Variants in RXFP1 observed in about 807,000 individuals in gnomAD.
RXFP1 encodes the protein relaxin family peptide receptor 1, also known as relaxin receptor 1.
RXFP1 carries 73 observed loss-of-function variants against 89.8 expected under a neutral mutation model. The ratio of observed to expected loss-of-function variants is 0.81; its 90% CI spans 0.67 to 0.99. RXFP1 has a LOEUF of 0.99. RXFP1 is among the 50% of genes least tolerant of loss of function. RXFP1 has a pLI of 0.00. For missense variants in RXFP1, 793 were observed against 895.5 expected, an observed-to-expected ratio of 0.89 and a Z score of 1.46; for synonymous variants, 277 against 305.5, an observed-to-expected ratio of 0.91 and a Z score of 0.97.
At chr4:158,567,884 C>G (rs539799103) in intron 1 of RXFP1, among the ~76,000 whole-genome samples, 6 of 152,172 alleles carry the variant, frequency 3.9e-5, no homozygotes, top group Non-Finnish European at 1.5e-5. Flanking sequence ...AGTGGCAACC[C>G]GCTCGGGTCT....
chr4:158,648,014 C>CA (rs35514598), intron 16 of RXFP1, among the ~76,000 whole-genome samples: 132,350 of 144,746 alleles, frequency 0.91, 61,393 homozygotes, highest in East Asian at 1. Flanking sequence ...GACTCCATCT[C>CA]AAAAAAAAAA....
chr4:158,539,273 T>C (rs1015592523), intron 1 of RXFP1, among the ~76,000 whole-genome samples: 2 of 152,006 alleles, frequency 1.3e-5, no homozygotes, highest in African/African-American at 2.4e-5. Context: ...TAGGTGGGAA[T>C]TGAACAATGA....
At chr4:158,642,804 A>G (rs1770638989) in intron 14 of RXFP1, among the ~76,000 whole-genome samples, 1 of 152,138 alleles carries the variant, frequency 6.6e-6, no homozygotes, top group Admixed American at 6.5e-5. Context: ...AAGGACGTGG[A>G]CACACAGGGA....
intron 9 of RXFP1, among the ~76,000 whole-genome samples, chr4:158,624,036 A>G (rs1226716051): frequency 6.6e-6 from 1 of 152,136 alleles, no homozygotes; most frequent in African/African-American, 2.4e-5. Flanking sequence ...GCTATTATAG[A>G]TGGGTCTCTG....
chr4:158,569,226 C>T (rs1444937597), intron 1 of RXFP1, among the ~76,000 whole-genome samples: 3 of 152,204 alleles, frequency 2.0e-5, no homozygotes, highest in Admixed American at 2.0e-4. Flanking sequence ...AGGCTACCTA[C>T]TGCATGATTC....
intron 17 of RXFP1, among the ~76,000 whole-genome samples, chr4:158,650,978 A>G (rs920242123): frequency 6.6e-6 from 1 of 151,972 alleles, no homozygotes; most frequent in Non-Finnish European, 1.5e-5. Context: ...TAAAAAATTA[A>G]CCAGGCATGG....
chr4:158,565,199 G>T (rs1753301334), intron 1 of RXFP1, among the ~76,000 whole-genome samples: 1 of 152,158 alleles, frequency 6.6e-6, no homozygotes, highest in Non-Finnish European at 1.5e-5. Context: ...TAAGTTAATA[G>T]AAAGCAAGCT....
rs76718043 is a variant in RXFP1, at chr4:158,632,194, G to A, written c.900-1211G>A. Among the ~76,000 whole-genome samples, 555 of 152,228 alleles carry A rather than the reference G, an allele frequency of 3.6e-3. 8 individuals are homozygous for A. The East Asian group carries it at 0.049, about 13-fold the overall frequency. On this transcript the variant is annotated intron_variant, in intron 11 of 17. Transcript: ENST00000307765. ...CAGAACAATCTGTTGACAATTCACC[G>A]ATAAATATGTAACTAACAGCAATAG...
chr4:158,544,098 T>A (rs546613290), intron 1 of RXFP1: 1 of 980,398 alleles, frequency 1.0e-6, no homozygotes, highest in East Asian at 1.1e-4. Context: ...AAGAGAACCA[T>A]CTTTTTATTT....
At chr4:158,625,650 G>C (rs1580168088) in intron 9 of RXFP1, among the ~76,000 whole-genome samples, 1 of 152,104 alleles carries the variant, frequency 6.6e-6, no homozygotes, top group Non-Finnish European at 1.5e-5. Flanking sequence ...TGATTTGTCA[G>C]CATCTATTTT....
intron 14 of RXFP1, among the ~76,000 whole-genome samples, chr4:158,643,543 T>C (rs1175845122): frequency 1.4e-5 from 2 of 139,216 alleles, no homozygotes; most frequent in Non-Finnish European, 3.0e-5. Context: ...CAATCTCGGC[T>C]CACTGCAACC....
chr4:158,563,862 T>C (rs1278942979), intron 1 of RXFP1, among the ~76,000 whole-genome samples: 1 of 147,980 alleles, frequency 6.8e-6, no homozygotes, highest in African/African-American at 2.5e-5. Context: ...TTATATTATA[T>C]AATGTTATAT....
rs1446792927 is a variant in RXFP1 at position 158,521,951 on chromosome 4, T to C, written c.-26T>C. The C allele has an allele frequency of 6.3e-7, 1 of 1,596,458 alleles. No individual in the cohort carries two copies. Among genetic ancestry groups the C allele is most frequent in the Non-Finnish European group, 8.6e-7 (1 of 1,167,248 alleles). On this transcript the variant is annotated 5_prime_UTR_variant, in exon 1 of 18. Transcript: ENST00000307765. The stretch of plus-strand genomic sequence containing the variant: ...CAAGACCAAATTTTGCTCACTTTCA[T>C]TAATCAGTTGCTCAGATAGAAGGAA...
chr4:158,545,966 G>GT (rs527257467), intron 1 of RXFP1, among the ~76,000 whole-genome samples: 5,583 of 152,196 alleles, frequency 0.037, 333 homozygotes, highest in African/African-American at 0.13. Context: ...CTTTAAAGTA[G>GT]TTTTTTCCAA....
chr4:158,550,025 G>A (rs896654397), intron 1 of RXFP1, among the ~76,000 whole-genome samples: 3 of 152,216 alleles, frequency 2.0e-5, no homozygotes, highest in African/African-American at 7.2e-5. Flanking sequence ...CTGTCTTTTT[G>A]TTTGTCTGTG....
rs75185246 is a variant in RXFP1 at position 158,539,813 on chromosome 4, A to G, written c.49+17788A>G. Among the ~76,000 whole-genome samples, 1,498 of 152,300 alleles carry G rather than the reference A, an allele frequency of 9.8e-3. 24 individuals carry two copies. Among genetic ancestry groups the G allele is most frequent in the African/African-American group, 0.033 (1,387 of 41,572 alleles). ...CCAGTAAAACCTTGTCTCAGACTCT[A>G]ACAGCCTCTAAATGCCTTTGAAATT... On this transcript the variant is annotated intron_variant, in intron 1 of 17. Coordinates refer to ENST00000307765, the MANE Select transcript of RXFP1 (RefSeq NM_021634.4).
intron 16 of RXFP1, 67 bp downstream of exon 16, chr4:158,647,268 A>G (rs1771753685): frequency 3.9e-6 from 5 of 1,275,736 alleles, no homozygotes; most frequent in Non-Finnish European, 5.4e-6. Flanking sequence ...TTTTGTTAGT[A>G]AGAATGAGGG....
chr4:158,604,892 C>A (rs1762300844), intron 4 of RXFP1, among the ~76,000 whole-genome samples, 176 bp from the exon 5 acceptor site: 1 of 152,000 alleles, frequency 6.6e-6, no homozygotes, highest in Non-Finnish European at 1.5e-5. Flanking sequence ...TTTAATAGTG[C>A]AAAACTAACA....
At chr4:158,527,117 A>G (rs1275574494) in intron 1 of RXFP1, among the ~76,000 whole-genome samples, 2 of 152,310 alleles carry the variant, frequency 1.3e-5, no homozygotes, top group African/African-American at 4.8e-5. Context: ...AATCTGATAC[A>G]TTCTTTAATA....
Sources: allele counts gnomAD v4.1 joint callset (sites outside exome capture counted in the v4.1 genomes callset), GRCh38; gene constraint gnomAD v4.1.1; transcripts MANE v1.5; gene names NCBI Gene and HGNC (gene_info 2026-07-23, HGNC 2026-07-21).